The following MCM3AP variants were observed in gnomAD, a reference collection of about 807,000 sequenced individuals.
MCM3AP encodes germinal-center associated nuclear protein.
In MCM3AP, 126 loss-of-function variants were observed where a neutral mutation model predicts 184.1. The ratio of observed to expected loss-of-function variants is 0.68; its 90% CI spans 0.59 to 0.79. The LOEUF (loss-of-function observed/expected upper bound fraction) is 0.79, where lower values mean the gene tolerates loss of function less well. MCM3AP is among the 30% of genes least tolerant of loss of function. The pLI, the probability that MCM3AP is intolerant of heterozygous loss-of-function variation, is 0.00. For synonymous variants in MCM3AP, 1,002 were observed against 979.3 expected, an observed-to-expected ratio of 1.02 and a Z score of -0.43; for missense variants, 2,496 against 2,479.2, an observed-to-expected ratio of 1.01 and a Z score of -0.14.
chr21:46,251,596 G>A lies in MCM3AP; in HGVS notation c.4223C>T (p.Thr1408Met), dbSNP rs539917903. The change falls in exon 20 of 28, where the codon ACG becomes ATG. Residue 1408 changes from threonine (T) to methionine (M), a missense_variant. Thr to Met is a moderately conservative substitution (Grantham distance 81). Coordinates refer to ENST00000291688, the MANE Select transcript of MCM3AP (RefSeq NM_003906.5). ...GCTAAGTGAGTTGAAAAGCGAAAGC[G>A]TCTGAATCCCACCAGCATCGCTGGA... ...DTSSDAGGIQ[T>M]LSLFNSLSSK... 28 of 1,612,670 alleles carry A rather than the reference G, an allele frequency of 1.7e-5. No individual in the cohort carries two copies. The Admixed American group carries it at 2.5e-4, about 14-fold the overall frequency.
chr21:46,235,769 C>T (rs146961898), intron 27 of MCM3AP, among the ~76,000 whole-genome samples: 10 of 152,268 alleles, frequency 6.6e-5, no homozygotes, highest in Non-Finnish European at 1.5e-4. Flanking sequence ...TCCTGAGTAG[C>T]TGGGACAACA....
chr21:46,252,467 ATCG>A (rs2080888865), intron 19 of MCM3AP: 1 of 152,032 alleles, frequency 6.6e-6, no homozygotes, highest in Admixed American at 6.6e-5. Context: ...AGGCAGGTGG[ATCG>A]CTTGAGCCCA....
At chr21:46,282,119 A>G (rs2081341301) in intron 2 of MCM3AP, among the ~76,000 whole-genome samples, 1 of 152,178 alleles carries the variant, frequency 6.6e-6, no homozygotes, top group Non-Finnish European at 1.5e-5. Flanking sequence ...CCTGAGCAAC[A>G]CAGTAAGACC....
At chr21:46,285,639 C>A, upstream of MCM3AP, 1 of 194,786 alleles carries the variant, frequency 5.1e-6, no homozygotes, top group Non-Finnish European at 1.0e-5. Flanking sequence ...AATCTTTTTA[C>A]TGAGTTAGTA....
intron 13 of MCM3AP, among the ~76,000 whole-genome samples, chr21:46,263,325 G>A (rs528301232): frequency 1.5e-4 from 22 of 151,504 alleles, no homozygotes; most frequent in African/African-American, 4.8e-4. Flanking sequence ...GCGAGACTCC[G>A]TCTCAAAAAC....
chr21:46,262,965 CAA>C (rs34666984), intron 13 of MCM3AP, among the ~76,000 whole-genome samples: 78 of 45,734 alleles, frequency 1.7e-3, no homozygotes, highest in African/African-American at 3.3e-3. Context: ...GACTCCGTCT[CAA>C]AAAAAAAAAA....
rs745622667 is a variant in MCM3AP at position 46,279,985 on chromosome 21, G to A, written c.1667+8C>T. On this transcript the variant is annotated splice_region_variant and intron_variant, in intron 4 of 27. Transcript: ENST00000291688. The stretch of plus-strand genomic sequence containing the variant: ...CGGAATAAGGTCATTAGGAGGGACC[G>A]ATCCCACCTTTTATTCAGGAGGCTG... 32 of 1,608,412 alleles carry A rather than the reference G, an allele frequency of 2.0e-5. No individual in the cohort carries two copies. The highest frequency in any genetic ancestry group is 1.6e-4 in the Middle Eastern group (1 of 6,064).
Position 46,265,962 on chromosome 21 carries a change from C to T in MCM3AP, c.2994G>A (p.Leu998=). ...KYIGESLAAE[L]PVSTQRPGSD... is the part of the protein sequence containing the mutation. ...AGCCGGGTCTCTGGGTGCTGACGGGCAGCTCCGCGGCCAGGCTCTCCCCGA... is the reference window on the plus strand; with the variant it reads ...AGCCGGGTCTCTGGGTGCTGACGGGTAGCTCCGCGGCCAGGCTCTCCCCGA... The change falls in exon 11 of 28, where the codon CTG becomes CTA. Residue 998 remains leucine, a synonymous_variant. Coordinates refer to ENST00000291688, the MANE Select transcript of MCM3AP (RefSeq NM_003906.5). The T allele has an allele frequency of 6.3e-7, 1 of 1,598,336 alleles. No individual in the cohort carries two copies. Among genetic ancestry groups the T allele is most frequent in the Non-Finnish European group, 8.5e-7 (1 of 1,170,388 alleles).
At chr21:46,263,541 T>C (rs2081068357) in intron 13 of MCM3AP, among the ~76,000 whole-genome samples, 1 of 151,820 alleles carries the variant, frequency 6.6e-6, no homozygotes, top group South Asian at 2.1e-4. Context: ...CCCAGTACTT[T>C]AGGAGGCTGA....
In MCM3AP at chr21:46,285,400, A is replaced by G; in HGVS notation, c.-114T>C. On this transcript the variant is annotated 5_prime_UTR_variant, in exon 1 of 28. Transcript: ENST00000291688. ...CCCTTCGTCTTTAGAACAAGCTGAAAGAGAAAAATTCAGATCATCATAGCT... is the reference window on the plus strand; with the variant it reads ...CCCTTCGTCTTTAGAACAAGCTGAAGGAGAAAAATTCAGATCATCATAGCT... 1.4e-6 allele frequency: 1 copy of G among 715,280 alleles called. No homozygotes were observed. Among genetic ancestry groups the G allele is most frequent in the Non-Finnish European group, 2.4e-6 (1 of 417,296 alleles). 44.3% of individuals were successfully genotyped at this position (715,280 alleles called of 1,614,324 possible).
intron 22 of MCM3AP, 36 bp downstream of exon 22, chr21:46,246,271 T>C (rs1245715418): frequency 3.0e-6 from 4 of 1,340,686 alleles, no homozygotes; most frequent in Non-Finnish European, 4.3e-6. Context: ...AAAAACAAAA[T>C]ATCTTGACAG....
chr21:46,260,812 T>G lies in MCM3AP; in HGVS notation c.3562A>C (p.Thr1188Pro). 6.2e-7 allele frequency: 1 copy of G among 1,613,784 alleles called. No homozygotes were observed. Among genetic ancestry groups the G allele is most frequent in the Non-Finnish European group, 8.5e-7 (1 of 1,179,786 alleles). The change falls in exon 15 of 28, where the codon ACC becomes CCC. Residue 1188 changes from threonine to proline, a missense_variant. Thr to Pro is a conservative substitution (Grantham distance 38). Coordinates refer to ENST00000291688, the MANE Select transcript of MCM3AP (RefSeq NM_003906.5). ...ERVMMEFVRE[T>P]CSQELKNAVE... ...ACTTACTTCAACTCCTGGGAGCAGG[T>G]TTCCCTCACAAACTCCATCATCACG...
chr21:46,240,700 C>T, intron 26 of MCM3AP, 111 bp downstream of exon 26: 2 of 927,386 alleles, frequency 2.2e-6, no homozygotes, highest in Admixed American at 2.3e-5. Flanking sequence ...GCTAATAATC[C>T]ACCTGCCCTT....
In MCM3AP at chr21:46,275,188, G is replaced by C. The variant is rs1344865105; in HGVS notation, c.1996C>G (p.Gln666Glu). Residue 666 changes from glutamine (Q) to glutamate (E), a missense_variant and splice_region_variant, in exon 6 of 28, where the codon CAG becomes GAG. Physicochemically the swap from Gln to Glu is conservative, Grantham distance 29. This residue lies in a region of MCM3AP where 130 missense variants were observed against 199.8 expected (regional missense o/e 0.65). Coordinates refer to ENST00000291688, the MANE Select transcript of MCM3AP (RefSeq NM_003906.5). ...CACGGGGAGATGCAGGGCTCTACCTGGTCAGTCCCTGGGACCACTTCGAAC... is the reference window on the plus strand; with the variant it reads ...CACGGGGAGATGCAGGGCTCTACCTCGTCAGTCCCTGGGACCACTTCGAAC... The part of the protein sequence containing the change: ...SVFEVVPGTD[Q>E]VDHAAAVKEY... The C allele has an allele frequency of 6.2e-7, 1 of 1,612,890 alleles. No homozygotes were observed. The highest frequency in any genetic ancestry group is 8.5e-7 in the Non-Finnish European group (1 of 1,179,510).
chr21:46,255,977 G>A (rs985856804), intron 17 of MCM3AP, among the ~76,000 whole-genome samples: 6 of 152,188 alleles, frequency 3.9e-5, no homozygotes, highest in East Asian at 3.9e-4. Context: ...CCCCACTGCC[G>A]GCGCAGAACC....
intron 9 of MCM3AP, among the ~76,000 whole-genome samples, chr21:46,269,891 A>C (rs554461807): frequency 4.3e-4 from 65 of 152,308 alleles, no homozygotes; most frequent in Admixed American, 3.7e-3. Flanking sequence ...ACCGACTGGA[A>C]ACCCCAAGAC....
chr21:46,278,166 A>T (rs200115305), intron 4 of MCM3AP, among the ~76,000 whole-genome samples: 1 of 52,292 alleles, frequency 1.9e-5, no homozygotes, highest in East Asian at 4.0e-4. Context: ...CACCCCCCGA[A>T]AAAAAAAAAA....
intron 15 of MCM3AP, 110 bp downstream of exon 15, chr21:46,260,683 G>C (rs189730999): frequency 8.2e-6 from 6 of 732,580 alleles, no homozygotes; most frequent in African/African-American, 6.9e-5. Flanking sequence ...AAGTAGCTTA[G>C]ACAGGCAAGA....
chr21:46,266,250 G>GC (rs1569072166), intron 10 of MCM3AP, 84 bp from the exon 11 acceptor site: 12 of 1,426,422 alleles, frequency 8.4e-6, no homozygotes, highest in Non-Finnish European at 1.1e-5. Context: ...AGTACTGCAA[G>GC]CCCCTTGGGT....
Sources: gnomAD v4.1 joint callset for allele counts (sites outside exome capture counted in the v4.1 genomes callset) on GRCh38, gnomAD v4.1.1 for gene constraint, gnomAD v4.1.1 regional missense constraint, MANE v1.5 for transcripts, NCBI Gene and HGNC (gene_info 2026-07-23, HGNC 2026-07-21) for gene names.